Variants in BCKDHB observed in about 807,000 individuals in gnomAD.
The protein encoded by BCKDHB is 2-oxoisovalerate dehydrogenase subunit beta, mitochondrial.
BCKDHB carries 41 observed loss-of-function variants against 48.5 expected under a neutral mutation model. That is an observed-to-expected ratio of 0.85 (90% confidence interval 0.66 to 1.10). The LOEUF (loss-of-function observed/expected upper bound fraction) is 1.10. BCKDHB is among the 50% of genes least tolerant of loss of function. The pLI is 0.00. For synonymous variants in BCKDHB, 201 were observed against 174.8 expected (o/e 1.15, Z -1.18); for missense variants, 496 against 494.2 (o/e 1.00, Z -0.03).
chr6:80,313,324 CTCTT>C (rs1460398881), intron 9 of BCKDHB, among the ~76,000 whole-genome samples: 11 of 152,058 alleles, frequency 7.2e-5, no homozygotes, highest in Admixed American at 5.2e-4. Flanking sequence ...TGAATCTTCT[CTCTT>C]TTTTTCTTTA....
At chr6:80,184,029 A>G (rs1773529828) in intron 6 of BCKDHB, among the ~76,000 whole-genome samples, 1 of 152,188 alleles carries the variant, frequency 6.6e-6, no homozygotes, top group East Asian at 1.9e-4. Flanking sequence ...TTTGACAGTT[A>G]TGAATAAAGT....
intron 3 of BCKDHB, among the ~76,000 whole-genome samples, chr6:80,139,378 C>G: frequency 6.6e-6 from 1 of 152,084 alleles, no homozygotes; most frequent in Non-Finnish European, 1.5e-5. Context: ...AGTCCTTGCC[C>G]ATGCCTATGT....
At chr6:80,189,994 G>T (rs1773819172) in intron 6 of BCKDHB, among the ~76,000 whole-genome samples, 1 of 151,906 alleles carries the variant, frequency 6.6e-6, no homozygotes, top group African/African-American at 2.4e-5. Flanking sequence ...TTCATTTTTT[G>T]TAGTATTAAT....
chr6:80,330,756 A>C (rs1474541990), intron 9 of BCKDHB, among the ~76,000 whole-genome samples: 5 of 152,220 alleles, frequency 3.3e-5, no homozygotes, highest in African/African-American at 1.2e-4. Flanking sequence ...AAGAAACTCC[A>C]AGAGCTACGT....
At chr6:80,201,719 C>T (rs1032527161) in intron 7 of BCKDHB, among the ~76,000 whole-genome samples, 3 of 152,054 alleles carry the variant, frequency 2.0e-5, no homozygotes, top group Non-Finnish European at 4.4e-5. Context: ...ATTTTCCCCC[C>T]GACTTGCTGT....
At chr6:80,302,308 G>A (rs1389202467) in intron 9 of BCKDHB, among the ~76,000 whole-genome samples, 1 of 152,100 alleles carries the variant, frequency 6.6e-6, no homozygotes, top group African/African-American at 2.4e-5. Flanking sequence ...AAGGTTTCAG[G>A]ATACAAAATC....
chr6:80,404,306 A>T, the BCKDHB span, among the ~76,000 whole-genome samples: 1 of 151,876 alleles, frequency 6.6e-6, no homozygotes, highest in Non-Finnish European at 1.5e-5. Context: ...CAGTCTTAGG[A>T]ACTTGGATGT....
intron 1 of BCKDHB, among the ~76,000 whole-genome samples, chr6:80,107,312 A>C (rs1390582032): frequency 6.8e-6 from 1 of 146,296 alleles, no homozygotes; most frequent in Non-Finnish European, 1.5e-5. Context: ...GTTTATATAT[A>C]TATATTTTAA....
intron 8 of BCKDHB, among the ~76,000 whole-genome samples, chr6:80,207,578 T>C (rs1461732501): frequency 1.3e-5 from 2 of 151,774 alleles, no homozygotes; most frequent in Non-Finnish European, 3.0e-5. Context: ...AGTAAAAGTC[T>C]AAGATCCTCA....
At position 80,249,882 on chromosome 6, in the gene BCKDHB, T is replaced by C. The variant is rs543409071; in HGVS notation, c.952-23253T>C. Among the ~76,000 whole-genome samples the C allele has an allele frequency of 3.3e-5, 5 of 152,312 alleles. No individual in the cohort carries two copies. In the South Asian group the frequency reaches 1.0e-3, roughly 32 times the overall value. On this transcript the variant is annotated intron_variant, in intron 8 of 9. Coordinates refer to ENST00000320393, the MANE Select transcript of BCKDHB (RefSeq NM_183050.4). ...AAATAACTCAGATTTTAAAGAGTCA[T>C]TTGTAAGGTAAGTTGTGGCATTGTT...
chr6:80,321,993 A>G (rs1480566656), intron 9 of BCKDHB, among the ~76,000 whole-genome samples: 1 of 152,084 alleles, frequency 6.6e-6, no homozygotes, highest in Non-Finnish European at 1.5e-5. Flanking sequence ...AAGAGAAGCA[A>G]TGATTAATAG....
At chr6:80,429,416 A>T in the BCKDHB span, among the ~76,000 whole-genome samples, 2 of 152,192 alleles carry the variant, frequency 1.3e-5, no homozygotes, top group Non-Finnish European at 2.9e-5. Context: ...GAAGAAAGTC[A>T]ATGGTAGCTT....
chr6:80,394,391 T>C, the BCKDHB span, among the ~76,000 whole-genome samples: 1 of 152,160 alleles, frequency 6.6e-6, no homozygotes, highest in Non-Finnish European at 1.5e-5. Flanking sequence ...CTATTCTTGT[T>C]CTTTTGGATG....
intron 9 of BCKDHB, among the ~76,000 whole-genome samples, chr6:80,275,365 G>A (rs560553634): frequency 1.6e-4 from 24 of 152,134 alleles, no homozygotes; most frequent in Middle Eastern, 3.4e-3. Context: ...TTTTGGACCC[G>A]TTATACAATG....
At chr6:80,462,561 C>T in the BCKDHB span, among the ~76,000 whole-genome samples, 1 of 152,180 alleles carries the variant, frequency 6.6e-6, no homozygotes, top group Non-Finnish European at 1.5e-5. Flanking sequence ...ACAGTAGCCA[C>T]AAACTGGGCC....
At chr6:80,196,775 A>G (rs1030440205) in intron 6 of BCKDHB, among the ~76,000 whole-genome samples, 1 of 152,192 alleles carries the variant, frequency 6.6e-6, no homozygotes, top group South Asian at 2.1e-4. Context: ...AGGATGAGCA[A>G]ATTCACAGCA....
At chr6:80,389,084 G>T in the BCKDHB span, among the ~76,000 whole-genome samples, 1 of 152,232 alleles carries the variant, frequency 6.6e-6, no homozygotes, top group Non-Finnish European at 1.5e-5. Context: ...GCCAAAAACT[G>T]TGAAGATATT....
intron 1 of BCKDHB, among the ~76,000 whole-genome samples, chr6:80,107,690 A>C (rs1769198777): frequency 1.3e-5 from 2 of 151,716 alleles, no homozygotes; most frequent in African/African-American, 4.9e-5. Flanking sequence ...CAGACTTTCT[A>C]CTTGAGCTTA....
intron 1 of BCKDHB, among the ~76,000 whole-genome samples, chr6:80,114,654 A>G (rs1769590154): frequency 6.6e-6 from 1 of 152,220 alleles, no homozygotes; most frequent in African/African-American, 2.4e-5. Context: ...GGTTTGTGGC[A>G]CGGGAACCTG....
Sources: gnomAD v4.1 joint callset for allele counts (sites outside exome capture counted in the v4.1 genomes callset) on GRCh38, gnomAD v4.1.1 for gene constraint, MANE v1.5 for transcripts, NCBI Gene and HGNC (gene_info 2026-07-23, HGNC 2026-07-21) for gene names.